The following MAP3K2 variants were observed in gnomAD, a reference collection of about 807,000 sequenced individuals.
MAP3K2 encodes the protein mitogen-activated protein kinase kinase kinase 2.
Under a neutral mutation model 80.3 loss-of-function variants are expected in MAP3K2, and 24 were observed. The ratio of observed to expected loss-of-function variants is 0.30; its 90% CI spans 0.22 to 0.42. MAP3K2 has a LOEUF of 0.42. Ranked by LOEUF, MAP3K2 falls within the 10% of genes least tolerant of loss-of-function variation. The pLI is 1.00. For missense variants in MAP3K2, 608 were observed against 750.1 expected, an observed-to-expected ratio of 0.81 and a Z score of 2.21; for synonymous variants, 244 against 253.7, an observed-to-expected ratio of 0.96 and a Z score of 0.36.
At chr2:127,326,114 T>C (rs542927195) in intron 8 of MAP3K2, among the ~76,000 whole-genome samples, 57 of 152,168 alleles carry the variant, frequency 3.7e-4, no homozygotes, top group African/African-American at 1.3e-3. Context: ...ACTAAATAAT[T>C]AAAAGCTACA....
At chr2:127,362,527 GATT>G (rs1686909484) in intron 1 of MAP3K2, among the ~76,000 whole-genome samples, 1 of 151,776 alleles carries the variant, frequency 6.6e-6, no homozygotes, top group South Asian at 2.1e-4. Flanking sequence ...TTCTATATTT[GATT>G]ATTTTAAAGA....
chr2:127,383,166 G>C (rs1235761700), intron 1 of MAP3K2, among the ~76,000 whole-genome samples: 3 of 152,180 alleles, frequency 2.0e-5, no homozygotes, highest in Non-Finnish European at 4.4e-5. Flanking sequence ...AGCCATTCAT[G>C]AGGCACCCAC....
At chr2:127,344,509 T>C (rs1347993516) in intron 1 of MAP3K2, among the ~76,000 whole-genome samples, 3 of 147,726 alleles carry the variant, frequency 2.0e-5, no homozygotes, top group Non-Finnish European at 3.0e-5. Context: ...AAAAAAAAGA[T>C]TTAAAAAACA....
At chr2:127,350,468 A>G (rs1340004671) in intron 1 of MAP3K2, among the ~76,000 whole-genome samples, 2 of 150,928 alleles carry the variant, frequency 1.3e-5, no homozygotes, top group Non-Finnish European at 3.0e-5. Context: ...AAAAAAAAAA[A>G]AAAGAAAGAA....
At chr2:127,353,268 G>A (rs192157087) in intron 1 of MAP3K2, among the ~76,000 whole-genome samples, 9,525 of 151,840 alleles carry the variant, frequency 0.063, 417 homozygotes, top group African/African-American at 0.11. Context: ...GTCTCTGCCC[G>A]GCCGCCCATC....
chr2:127,353,610 A>T (rs1443700396), intron 1 of MAP3K2, among the ~76,000 whole-genome samples: 4 of 148,528 alleles, frequency 2.7e-5, no homozygotes, highest in Admixed American at 6.7e-5. Context: ...CCCGTCCGGG[A>T]GGGAGGTGGG....
In MAP3K2 at chr2:127,302,701, GC is replaced by G. The variant is rs1404575560; in HGVS notation, c.*4877del. 2 of 152,030 alleles carry G rather than the reference GC, an allele frequency of 1.3e-5. No individual in the cohort carries two copies. Among genetic ancestry groups the G allele is most frequent in the Non-Finnish European group, 2.9e-5 (2 of 68,000 alleles). 9.4% of individuals were successfully genotyped at this position (152,030 alleles called of 1,614,324 possible). A position where few individuals can be genotyped will look rare whatever the true frequency, so the allele number is the denominator to read the frequency against. On this transcript the variant is annotated 3_prime_UTR_variant, in exon 17 of 17. Transcript: ENST00000682094. ...GAAAATCATAACTGAACTATAATAT[GC>G]CAAGAACTTGGACAGTGCCAATGTG...
intron 7 of MAP3K2, among the ~76,000 whole-genome samples, chr2:127,329,709 TATAA>T (rs1265225948): frequency 6.6e-6 from 1 of 152,198 alleles, no homozygotes; most frequent in Admixed American, 6.5e-5. Context: ...ACCCTGAGTA[TATAA>T]ATAAAGAATT....
rs567994163 is a variant in MAP3K2 at position 127,306,732 on chromosome 2, A to G, written c.*847T>C. On this transcript the variant is annotated 3_prime_UTR_variant, in exon 17 of 17. Transcript: ENST00000682094. The surrounding 1 kb of genome is among the most constrained non-coding windows in gnomAD (Gnocchi z 4.7). ...ACTAAACACCTAATTTTTTTTCATT[A>G]TTTCTATTGACTGTAAATGTGGTCT... 6.6e-6 allele frequency: 1 copy of G among 152,010 alleles called. No homozygotes were observed. The highest frequency in any genetic ancestry group is 1.5e-5 in the Non-Finnish European group (1 of 67,954). 9.4% of individuals were successfully genotyped at this position (152,010 alleles called of 1,614,324 possible).
chr2:127,320,503 G>A (rs938849892), intron 12 of MAP3K2, among the ~76,000 whole-genome samples: 2 of 152,108 alleles, frequency 1.3e-5, no homozygotes, highest in Admixed American at 1.3e-4. Flanking sequence ...GTATCAAATA[G>A]TCTAGTGTAT....
chr2:127,360,977 C>T (rs12479003), intron 1 of MAP3K2, among the ~76,000 whole-genome samples: 53,505 of 151,850 alleles, frequency 0.35, 10,193 homozygotes, highest in East Asian at 0.62. Context: ...TCCTTCCAAA[C>T]ATTTTGAACT....
intron 5 of MAP3K2, among the ~76,000 whole-genome samples, chr2:127,333,394 C>T (rs1686300993): frequency 6.6e-6 from 1 of 152,010 alleles, no homozygotes; most frequent in Admixed American, 6.6e-5. Flanking sequence ...CAATTCTAGC[C>T]AACTAGAAGT....
At chr2:127,316,235 G>A (rs1685900417) in intron 14 of MAP3K2, among the ~76,000 whole-genome samples, 1 of 151,946 alleles carries the variant, frequency 6.6e-6, no homozygotes, top group African/African-American at 2.4e-5. Context: ...TTAGCTGGGT[G>A]TGGTGGCATG....
chr2:127,342,455 G>T lies in MAP3K2; in HGVS notation c.4+671C>A, dbSNP rs375094421. ...TTGTTAAGCAAGAAGTAGAAAATGT[G>T]TGATAAAGGCAAACTCTGGCAAGCA... On this transcript the variant is annotated intron_variant, in intron 2 of 16. Coordinates refer to ENST00000682094, the MANE Select transcript of MAP3K2 (RefSeq NM_001371910.2). 4.6e-5 allele frequency among the ~76,000 whole-genome samples: 7 copies of T among 151,340 alleles called. No homozygotes were observed. In the East Asian group the frequency reaches 1.2e-3, roughly 25 times the overall value.
intron 4 of MAP3K2, among the ~76,000 whole-genome samples, chr2:127,336,331 G>A (rs758705830): frequency 2.6e-5 from 4 of 152,164 alleles, no homozygotes; most frequent in Non-Finnish European, 4.4e-5. Flanking sequence ...AAATGAAACT[G>A]TTAAAAAGAA....
At chr2:127,353,801 AG>A (rs1686747428) in intron 1 of MAP3K2, among the ~76,000 whole-genome samples, 1 of 152,106 alleles carries the variant, frequency 6.6e-6, no homozygotes, top group African/African-American at 2.4e-5. Flanking sequence ...GGAATAGAAA[AG>A]GGGGAAAGGT....
At chr2:127,334,993 C>A (rs184456510) in intron 5 of MAP3K2, among the ~76,000 whole-genome samples, 6 of 152,188 alleles carry the variant, frequency 3.9e-5, no homozygotes, top group Middle Eastern at 3.4e-3. Flanking sequence ...TGGTCTTGTT[C>A]TCTTGACCTT....
intron 8 of MAP3K2, among the ~76,000 whole-genome samples, chr2:127,326,326 A>G (rs892677834): frequency 1.3e-5 from 2 of 151,954 alleles, no homozygotes; most frequent in African/African-American, 4.8e-5. Context: ...GTATTTTTTA[A>G]ATGTTTCAGA....
In MAP3K2 at chr2:127,321,611, A is replaced by C; in HGVS notation, c.1045+435T>G. The stretch of plus-strand genomic sequence containing the variant: ...ATACTCCCACATCAGCCAAAAATTG[A>C]ACTATTCCCCATTTTTAGATGATGT... On this transcript the variant is annotated intron_variant, in intron 12 of 16. Transcript: ENST00000682094. This position sits in a 1 kb window ranked among gnomAD's most constrained non-coding sequence, Gnocchi z 4.4. Among the ~76,000 whole-genome samples the C allele has an allele frequency of 6.6e-6, 1 of 152,218 alleles. No individual in the cohort carries two copies. The highest frequency in any genetic ancestry group is 1.9e-4 in the East Asian group (1 of 5,196).
Sources: gnomAD v4.1 joint callset for allele counts (sites outside exome capture counted in the v4.1 genomes callset) on GRCh38, gnomAD v4.1.1 for gene constraint, Gnocchi (gnomAD v3.1) non-coding constraint, MANE v1.5 for transcripts, NCBI Gene and HGNC (gene_info 2026-07-23, HGNC 2026-07-21) for gene names.